Variants in COMMD10 observed in about 807,000 individuals in gnomAD.
COMMD10 encodes COMM domain-containing protein 10.
Under a neutral mutation model 28.9 loss-of-function variants are expected in COMMD10, and 33 were observed. The observed-to-expected ratio is 1.14, with a 90% confidence interval of 0.87 to 1.53. The LOEUF is 1.53. Ranked by LOEUF, COMMD10 falls within the 40% of genes most tolerant of loss-of-function variation. The probability of loss-of-function intolerance (pLI) is 0.00; values close to 1 mark genes in which losing one functional copy is unlikely to be tolerated. For missense variants in COMMD10, 310 were observed against 233.4 expected (o/e 1.33, Z -2.14); for synonymous variants, 110 against 81.7 (o/e 1.35, Z -1.87).
intron 5 of COMMD10, among the ~76,000 whole-genome samples, chr5:116,246,387 T>A (rs1158257198): frequency 6.6e-6 from 1 of 151,894 alleles, no homozygotes; most frequent in Non-Finnish European, 1.5e-5. Context: ...ATCAATGTCA[T>A]TAAAAATGGC....
At chr5:116,164,765 A>T (rs1753038325) in intron 5 of COMMD10, among the ~76,000 whole-genome samples, 2 of 152,146 alleles carry the variant, frequency 1.3e-5, no homozygotes, top group Admixed American at 6.5e-5. Flanking sequence ...TAGTTGCAAA[A>T]TTTTGGGGGA....
At chr5:116,276,729 A>G (rs1750927853) in intron 5 of COMMD10, among the ~76,000 whole-genome samples, 1 of 151,804 alleles carries the variant, frequency 6.6e-6, no homozygotes, top group Non-Finnish European at 1.5e-5. Context: ...CATCTCAAAA[A>G]TATTATATTA....
At chr5:116,167,773 A>G (rs1046729407) in intron 5 of COMMD10, among the ~76,000 whole-genome samples, 1 of 152,258 alleles carries the variant, frequency 6.6e-6, no homozygotes, top group East Asian at 1.9e-4. Context: ...TTTACAGACA[A>G]CCAGATACTA....
At chr5:116,272,046 G>T (rs1315555101) in intron 5 of COMMD10, among the ~76,000 whole-genome samples, 1 of 151,668 alleles carries the variant, frequency 6.6e-6, no homozygotes, top group Non-Finnish European at 1.5e-5. Flanking sequence ...CTTCAAAAAG[G>T]TCAAGGAAAA....
intron 5 of COMMD10, among the ~76,000 whole-genome samples, chr5:116,171,466 TC>T (rs1753330458): frequency 3.3e-5 from 5 of 152,226 alleles, no homozygotes; most frequent in Middle Eastern, 6.8e-3. Flanking sequence ...GATACAGCAA[TC>T]CCCTTACTGG....
At chr5:116,146,096 G>A (rs1157704353) in intron 5 of COMMD10, among the ~76,000 whole-genome samples, 1 of 151,838 alleles carries the variant, frequency 6.6e-6, no homozygotes, top group African/African-American at 2.4e-5. Context: ...GCTTGACCTG[G>A]TGTACAGTTT....
intron 5 of COMMD10, among the ~76,000 whole-genome samples, chr5:116,176,860 T>G (rs187825480): frequency 8.0e-4 from 122 of 152,222 alleles, no homozygotes; most frequent in Non-Finnish European, 1.3e-3. Context: ...CGTGAGTAAC[T>G]ATAAAAGTGT....
intron 4 of COMMD10, among the ~76,000 whole-genome samples, chr5:116,097,272 A>G (rs911748107): frequency 6.6e-6 from 1 of 151,956 alleles, no homozygotes; most frequent in African/African-American, 2.4e-5. Flanking sequence ...CTAATATACT[A>G]TTTTAAAGTC....
intron 5 of COMMD10, among the ~76,000 whole-genome samples, chr5:116,254,373 C>G (rs182549211): frequency 6.6e-6 from 1 of 152,076 alleles, no homozygotes; most frequent in East Asian, 1.9e-4. Flanking sequence ...TTTTCTAGTT[C>G]TTTTAATTGT....
At chr5:116,282,697 T>C (rs370537759) in intron 5 of COMMD10, among the ~76,000 whole-genome samples, 5 of 151,936 alleles carry the variant, frequency 3.3e-5, no homozygotes, top group African/African-American at 1.2e-4. Context: ...AATGGTTGTC[T>C]TTCTCTGGTG....
intron 5 of COMMD10, among the ~76,000 whole-genome samples, chr5:116,226,640 GC>G (rs1749400845): frequency 6.9e-6 from 1 of 144,002 alleles, no homozygotes; most frequent in Non-Finnish European, 1.5e-5. Flanking sequence ...AGAAAACCAA[GC>G]CCTGTAGTAA....
At chr5:116,238,156 GA>G (rs1169449482) in intron 5 of COMMD10, among the ~76,000 whole-genome samples, 2 of 152,256 alleles carry the variant, frequency 1.3e-5, no homozygotes, top group African/African-American at 4.8e-5. Context: ...CTACTTCCTG[GA>G]AGAAACAATG....
chr5:116,236,298 G>C (rs1749659153), intron 5 of COMMD10, among the ~76,000 whole-genome samples: 1 of 152,060 alleles, frequency 6.6e-6, no homozygotes, highest in African/African-American at 2.4e-5. Flanking sequence ...GAGCACAGGA[G>C]TTCAAGACCA....
intron 5 of COMMD10, among the ~76,000 whole-genome samples, chr5:116,156,987 A>G (rs1399746452): frequency 6.6e-6 from 1 of 152,076 alleles, no homozygotes; most frequent in East Asian, 1.9e-4. Context: ...GTTGATTTTC[A>G]GTTTTCTGCC....
intron 5 of COMMD10, among the ~76,000 whole-genome samples, chr5:116,171,117 ATAACT>A (rs1337504525): frequency 2.7e-5 from 4 of 147,734 alleles, no homozygotes; most frequent in Middle Eastern, 3.5e-3. Context: ...GAATCTACAA[ATAACT>A]TAAATAAATT....
At chr5:116,125,905 A>C (rs912053604) in intron 4 of COMMD10, among the ~76,000 whole-genome samples, 4 of 152,146 alleles carry the variant, frequency 2.6e-5, no homozygotes, top group Non-Finnish European at 5.9e-5. Flanking sequence ...CCTGTTCAGC[A>C]TAGTGTTGGA....
At position 116,170,126 on chromosome 5, in the gene COMMD10, C is replaced by G. The variant is rs577654107; in HGVS notation, c.510+35948C>G. Among the ~76,000 whole-genome samples the G allele has an allele frequency of 2.4e-3, 363 of 152,252 alleles. 3 individuals are homozygous for G. Among genetic ancestry groups the G allele is most frequent in the African/African-American group, 8.5e-3 (355 of 41,544 alleles). On this transcript the variant is annotated intron_variant, in intron 5 of 6. Coordinates refer to ENST00000274458, the MANE Select transcript of COMMD10 (RefSeq NM_016144.4). ...CCCAAAATCTCCTTAAGCTGATAAGCAACTTCAGCAAAGTCTCAGGATACA... is the reference window on the plus strand; with the variant it reads ...CCCAAAATCTCCTTAAGCTGATAAGGAACTTCAGCAAAGTCTCAGGATACA...
intron 5 of COMMD10, among the ~76,000 whole-genome samples, chr5:116,137,298 T>C (rs1752051275): frequency 6.6e-6 from 1 of 151,966 alleles, no homozygotes; most frequent in Non-Finnish European, 1.5e-5. Flanking sequence ...GAATATTAAG[T>C]AAAAAGGAAT....
At chr5:116,156,093 A>T (rs1752697556) in intron 5 of COMMD10, among the ~76,000 whole-genome samples, 1 of 152,072 alleles carries the variant, frequency 6.6e-6, no homozygotes, top group African/African-American at 2.4e-5. Flanking sequence ...AGACCAAAAC[A>T]TTTCACCTCC....
Sources: gnomAD v4.1 joint callset for allele counts (sites outside exome capture counted in the v4.1 genomes callset) on GRCh38, gnomAD v4.1.1 for gene constraint, MANE v1.5 for transcripts, NCBI Gene and HGNC (gene_info 2026-07-23, HGNC 2026-07-21) for gene names.